Variants in NT5DC3 observed in about 807,000 individuals in gnomAD.
NT5DC3 encodes 5'-nucleotidase domain-containing protein 3.
In NT5DC3, 42 loss-of-function variants were observed where a neutral mutation model predicts 67.8. That is an observed-to-expected ratio of 0.62 (90% CI 0.48 to 0.80). NT5DC3 has a LOEUF of 0.80. Among genes scored for constraint, NT5DC3 ranks in the 30% least tolerant of loss-of-function variants. The pLI is 0.00. For missense variants in NT5DC3, 570 were observed against 696.4 expected, an observed-to-expected ratio of 0.82 and a Z score of 2.04; for synonymous variants, 237 against 255.6, an observed-to-expected ratio of 0.93 and a Z score of 0.69.
chr12:103,795,403 C>T (rs1413068478), intron 6 of NT5DC3, among the ~76,000 whole-genome samples: 1 of 152,098 alleles, frequency 6.6e-6, no homozygotes, highest in Non-Finnish European at 1.5e-5. Context: ...AAAAACTGAG[C>T]TTTCAAATCA....
chr12:103,840,754 C>A (rs1450527212), intron 1 of NT5DC3, among the ~76,000 whole-genome samples, 195 bp downstream of exon 1: 5 of 152,118 alleles, frequency 3.3e-5, no homozygotes, highest in Non-Finnish European at 7.4e-5. Context: ...GTTTCTAGAG[C>A]GCATTTTTCC....
At chr12:103,768,130 A>G (rs1885066507), downstream of NT5DC3, among the ~76,000 whole-genome samples, 1 of 148,806 alleles carries the variant, frequency 6.7e-6, no homozygotes, top group Non-Finnish European at 1.5e-5. Context: ...GGGATACTAC[A>G]GCCCATTAAA....
chr12:103,799,347 G>T (rs1292679384), intron 4 of NT5DC3, among the ~76,000 whole-genome samples: 1 of 152,122 alleles, frequency 6.6e-6, no homozygotes, highest in Admixed American at 6.5e-5. Context: ...GAGGGACCTG[G>T]TGGGAGAACA....
At chr12:103,749,899 C>T in the NT5DC3 span, among the ~76,000 whole-genome samples, 1 of 139,082 alleles carries the variant, frequency 7.2e-6, no homozygotes, top group Non-Finnish European at 1.5e-5. Context: ...AGGAAAAGTG[C>T]CGAAAAGATG....
chr12:103,816,154 G>T (rs1337745995), intron 1 of NT5DC3, among the ~76,000 whole-genome samples: 6 of 152,152 alleles, frequency 3.9e-5, no homozygotes, highest in Non-Finnish European at 7.4e-5. Context: ...ACCTACTACA[G>T]GTTGAGCATC....
rs1055723443 is a variant in NT5DC3, at chr12:103,776,133, T to A, written c.*1696A>T. ...CCCCATAACTAATAACAGCAGACAT[T>A]CCCATAGCACTCAGAGAGTGCAGTA... On this transcript the variant is annotated 3_prime_UTR_variant, in exon 14 of 14. Transcript: ENST00000392876. The A allele has an allele frequency of 3.9e-5, 6 of 152,044 alleles. No homozygotes were observed. Among genetic ancestry groups the A allele is most frequent in the African/African-American group, 1.5e-4 (6 of 41,372 alleles). The allele number at this position is 152,044 out of a possible 1,614,324, so 9.4% of individuals were successfully genotyped here.
At chr12:103,803,765 G>A (rs1344741691) in intron 4 of NT5DC3, among the ~76,000 whole-genome samples, 1 of 152,038 alleles carries the variant, frequency 6.6e-6, no homozygotes, top group Non-Finnish European at 1.5e-5. Context: ...TAAGGATAAT[G>A]GCCTCCAGCT....
At chr12:103,770,240 T>G (rs1283443198), downstream of NT5DC3, among the ~76,000 whole-genome samples, 1 of 152,166 alleles carries the variant, frequency 6.6e-6, no homozygotes, top group Non-Finnish European at 1.5e-5. Flanking sequence ...AACCTGTCAT[T>G]AAAAAATAAA....
chr12:103,788,936 G>A lies in NT5DC3; in HGVS notation c.1020-17C>T. On this transcript the variant is annotated splice_polypyrimidine_tract_variant and intron_variant, in intron 9 of 13. Transcript: ENST00000392876. ...CGGAAAGGCCTAACAACAGAAATGG[G>A]AAACATTATGACATGGAGTAGTACA... is the stretch of plus-strand genomic sequence containing the variant. 6.6e-7 allele frequency: 1 copy of A among 1,520,622 alleles called. No individual in the cohort carries two copies. Among genetic ancestry groups the A allele is most frequent in the African/African-American group, 1.4e-5 (1 of 73,210 alleles). 94.2% of individuals were successfully genotyped at this position (1,520,622 alleles called of 1,614,324 possible).
At chr12:103,769,061 T>C (rs1337328811), downstream of NT5DC3, among the ~76,000 whole-genome samples, 2 of 152,124 alleles carry the variant, frequency 1.3e-5, no homozygotes, top group Admixed American at 6.5e-5. Context: ...GAGCCTCTCA[T>C]AGGAGCTGGC....
intron 12 of NT5DC3, among the ~76,000 whole-genome samples, chr12:103,782,912 G>A (rs1885615670): frequency 6.6e-6 from 1 of 152,120 alleles, no homozygotes; most frequent in Non-Finnish European, 1.5e-5. Context: ...CTTGAACCTG[G>A]GAGGTGAAGG....
At chr12:103,757,148 G>T in the NT5DC3 span, among the ~76,000 whole-genome samples, 1 of 151,232 alleles carries the variant, frequency 6.6e-6, no homozygotes, top group Non-Finnish European at 1.5e-5. Context: ...GAGTACAGTG[G>T]CATGATCTCG....
the NT5DC3 span, chr12:103,746,559 C>G: frequency 3.1e-6 from 5 of 1,599,842 alleles, no homozygotes; most frequent in Non-Finnish European, 4.3e-6. Flanking sequence ...ACTCTTCACA[C>G]CATGGGTACA....
intron 1 of NT5DC3, among the ~76,000 whole-genome samples, chr12:103,817,112 A>C (rs1197871956): frequency 6.6e-6 from 1 of 151,900 alleles, no homozygotes; most frequent in Non-Finnish European, 1.5e-5. Flanking sequence ...AGGTGAATGC[A>C]GAGAGAGACA....
At chr12:103,751,985 C>T in the NT5DC3 span, among the ~76,000 whole-genome samples, 1 of 152,138 alleles carries the variant, frequency 6.6e-6, no homozygotes, top group African/African-American at 2.4e-5. Context: ...CGCCTGCCCT[C>T]ACACAGTTCA....
rs1378801629 is a variant in NT5DC3 at position 103,775,221 on chromosome 12, G to A, written c.*2608C>T. 6.6e-6 allele frequency: 1 copy of A among 152,178 alleles called. No individual in the cohort carries two copies. 9.4% of individuals were successfully genotyped at this position (152,178 alleles called of 1,614,324 possible). A position where few individuals can be genotyped will look rare whatever the true frequency, so the allele number is the denominator to read the frequency against. On this transcript the variant is annotated 3_prime_UTR_variant, in exon 14 of 14. Coordinates refer to ENST00000392876, the MANE Select transcript of NT5DC3 (RefSeq NM_001031701.3). ...CCCAGATGTCAGGCTTCTGTCACATGGGAGATCTCAACACTGCCAAGCTCA... is the reference window on the plus strand; with the variant it reads ...CCCAGATGTCAGGCTTCTGTCACATAGGAGATCTCAACACTGCCAAGCTCA...
chr12:103,819,767 T>C (rs924159242), intron 1 of NT5DC3: 6 of 152,256 alleles, frequency 3.9e-5, no homozygotes, highest in Admixed American at 3.3e-4. Flanking sequence ...TTGTGTTTTT[T>C]ATTGTGGCAA....
the NT5DC3 span, chr12:103,755,326 G>C: frequency 6.2e-7 from 1 of 1,614,118 alleles, no homozygotes. Flanking sequence ...GTGCTCAGCA[G>C]GCTGGCTGGA....
chr12:103,820,291 C>G (rs1887438320), intron 1 of NT5DC3, among the ~76,000 whole-genome samples: 1 of 152,170 alleles, frequency 6.6e-6, no homozygotes, highest in Non-Finnish European at 1.5e-5. Context: ...TATGGTAATC[C>G]TATTTTTCAT....
Sources: allele counts gnomAD v4.1 joint callset (sites outside exome capture counted in the v4.1 genomes callset), GRCh38; gene constraint gnomAD v4.1.1; transcripts MANE v1.5; gene names NCBI Gene and HGNC (gene_info 2026-07-23, HGNC 2026-07-21).